The following OGFOD1 variants were observed in gnomAD, a reference collection of about 807,000 sequenced individuals.
OGFOD1 encodes prolyl 3-hydroxylase OGFOD1.
OGFOD1 carries 54 observed loss-of-function variants against 67.7 expected under a neutral mutation model. That is an observed-to-expected ratio of 0.80 (90% CI 0.64 to 1.00). OGFOD1 has a LOEUF of 1.00. Among genes scored for constraint, OGFOD1 ranks in the 50% least tolerant of loss-of-function variants. OGFOD1 has a pLI of 0.00. For missense variants in OGFOD1, 606 were observed against 646.7 expected (o/e 0.94, Z 0.68); for synonymous variants, 221 against 227.0 (o/e 0.97, Z 0.24).
rs14306 is a variant in OGFOD1 at position 56,476,387 on chromosome 16, A to C, written c.*182A>C. 270,573 of 426,540 alleles carry C rather than the reference A, an allele frequency of 0.63. 88,490 individuals carry two copies. Among genetic ancestry groups the C allele is most frequent in the African/African-American group, 0.92 (44,739 of 48,474 alleles). 26.4% of individuals were successfully genotyped at this position (426,540 alleles called of 1,614,324 possible). On this transcript the variant is annotated 3_prime_UTR_variant, in exon 13 of 13. Coordinates refer to ENST00000566157, the MANE Select transcript of OGFOD1 (RefSeq NM_018233.4). ...AACCGAGACCTTGAGCTTGCAGCTA[A>C]GTACTTATCTCTTGATTAAAAAAAA... is the stretch of plus-strand genomic sequence containing the variant.
chr16:56,460,012 C>T (rs1962660123), intron 3 of OGFOD1, among the ~76,000 whole-genome samples: 1 of 152,116 alleles, frequency 6.6e-6, no homozygotes, highest in Non-Finnish European at 1.5e-5. Flanking sequence ...TTTTTCTCTG[C>T]AGTACTTCCA....
At chr16:56,456,226 G>T (rs1219706737) in intron 2 of OGFOD1, among the ~76,000 whole-genome samples, 2 of 150,886 alleles carry the variant, frequency 1.3e-5, no homozygotes, top group Non-Finnish European at 2.9e-5. Flanking sequence ...ATGCTCTCTT[G>T]GTTTCTCTTC....
intron 5 of OGFOD1, 27 bp downstream of exon 5, chr16:56,466,295 T>TATA: frequency 2.0e-5 from 28 of 1,413,536 alleles, no homozygotes; most frequent in Non-Finnish European, 2.5e-5. Context: ...TGCATGCACT[T>TATA]CACCACCAGT....
intron 7 of OGFOD1, 24 bp downstream of exon 7, chr16:56,467,317 T>C: frequency 6.2e-7 from 1 of 1,613,224 alleles, no homozygotes; most frequent in Non-Finnish European, 8.5e-7. Flanking sequence ...CTGATATCCT[T>C]ATCTTAGGAG....
At chr16:56,454,669 A>T (rs1194683498) in intron 2 of OGFOD1, 4 of 354,494 alleles carry the variant, frequency 1.1e-5, no homozygotes, top group Non-Finnish European at 1.7e-5. Context: ...AAAAAGAAAG[A>T]TTAAAAAGAT....
chr16:56,453,108 G>A (rs936469832), intron 1 of OGFOD1, among the ~76,000 whole-genome samples, 155 bp from the exon 2 acceptor site: 6 of 152,086 alleles, frequency 3.9e-5, no homozygotes, highest in African/African-American at 1.4e-4. Context: ...AAGAAGAAAG[G>A]TCAGAGCTTA....
At chr16:56,460,333 A>G (rs1478286928) in intron 3 of OGFOD1, among the ~76,000 whole-genome samples, 1 of 152,240 alleles carries the variant, frequency 6.6e-6, no homozygotes, top group Non-Finnish European at 1.5e-5. Context: ...ACAATTAACA[A>G]ATGCTAACAA....
intron 8 of OGFOD1, 126 bp downstream of exon 8, chr16:56,468,144 T>C (rs1053433692): frequency 6.8e-5 from 42 of 614,160 alleles, no homozygotes; most frequent in Admixed American, 2.9e-4. Flanking sequence ...GTCATTCCCT[T>C]CTTCAAGTGA....
At chr16:56,474,757 G>A in intron 10 of OGFOD1, 71 bp from the exon 11 acceptor site, 2 of 1,266,598 alleles carry the variant, frequency 1.6e-6, no homozygotes, top group South Asian at 2.8e-5. Flanking sequence ...TCCTAATTAT[G>A]ATTCCCTTGC....
At chr16:56,469,039 G>A (rs527343905) in intron 8 of OGFOD1, among the ~76,000 whole-genome samples, 25 of 152,296 alleles carry the variant, frequency 1.6e-4, no homozygotes, top group Admixed American at 1.4e-3. Context: ...AGCATATTAA[G>A]GTTTTGAGAA....
chr16:56,475,671 ATC>A (rs1378574028), intron 12 of OGFOD1, 106 bp downstream of exon 12: 1 of 886,892 alleles, frequency 1.1e-6, no homozygotes, highest in African/African-American at 1.7e-5. Flanking sequence ...TAGCTAATAA[ATC>A]TCTGCCAGGC....
chr16:56,458,894 G>A, intron 3 of OGFOD1: 7 of 356,198 alleles, frequency 2.0e-5, no homozygotes, highest in South Asian at 6.1e-5. Flanking sequence ...ATGTTAGGTT[G>A]GTAAATATTA....
chr16:56,453,956 G>A (rs780460401), intron 2 of OGFOD1, among the ~76,000 whole-genome samples: 3 of 152,168 alleles, frequency 2.0e-5, no homozygotes, highest in South Asian at 2.1e-4. Context: ...AAATTAAGCC[G>A]ATGAGTAAGT....
In OGFOD1 at chr16:56,477,459, A is replaced by C. The variant is rs571334000; in HGVS notation, c.*1254A>C. 1 of 152,204 alleles carries C rather than the reference A, an allele frequency of 6.6e-6. No individual in the cohort carries two copies. Among genetic ancestry groups the C allele is most frequent in the Non-Finnish European group, 1.5e-5 (1 of 68,054 alleles). The allele number at this position is 152,204 out of a possible 1,614,324, so 9.4% of individuals were successfully genotyped here. A position where few individuals can be genotyped will look rare whatever the true frequency, so the allele number is the denominator to read the frequency against. ...GTGCCCACTGCCTTTCCATCCTGCA[A>C]TTGTGGCCTGTGTATAATTAAATGA... is the stretch of plus-strand genomic sequence containing the variant. On this transcript the variant is annotated 3_prime_UTR_variant, in exon 13 of 13. Coordinates refer to ENST00000566157, the MANE Select transcript of OGFOD1 (RefSeq NM_018233.4).
chr16:56,462,854 T>C (rs1273502169), intron 4 of OGFOD1, among the ~76,000 whole-genome samples: 1 of 152,194 alleles, frequency 6.6e-6, no homozygotes, highest in African/African-American at 2.4e-5. Context: ...CTGACCATAT[T>C]TTCAGCAAAA....
intron 4 of OGFOD1, chr16:56,465,705 A>G (rs1015635704): frequency 6.5e-6 from 1 of 153,784 alleles, no homozygotes; most frequent in African/African-American, 2.4e-5. Context: ...TAGAAAATCT[A>G]TTAAGGGTGG....
At chr16:56,472,934 G>GGTTTA (rs1418449672) in intron 10 of OGFOD1, among the ~76,000 whole-genome samples, 2 of 151,906 alleles carry the variant, frequency 1.3e-5, no homozygotes, top group Non-Finnish European at 2.9e-5. Flanking sequence ...GTTTTGGTTT[G>GGTTTA]GTTTGGTTTG....
At position 56,478,729 on chromosome 16, in the gene OGFOD1, T is replaced by A. The variant is rs1398294637; in HGVS notation, c.*2524T>A. Reference sequence around the variant, plus strand: ...AAGTGTTAAAATGTGCTTTTTAGTGTCTCCTTTATCTCAGTGTGTTTATGA... The same window carrying A: ...AAGTGTTAAAATGTGCTTTTTAGTGACTCCTTTATCTCAGTGTGTTTATGA... On this transcript the variant is annotated 3_prime_UTR_variant, in exon 13 of 13. Transcript: ENST00000566157. 1 of 152,190 alleles carries A rather than the reference T, an allele frequency of 6.6e-6. No individual in the cohort carries two copies. The highest frequency in any genetic ancestry group is 1.5e-5 in the Non-Finnish European group (1 of 68,028). The allele number at this position is 152,190 out of a possible 1,614,324, so 9.4% of individuals were successfully genotyped here.
Position 56,470,018 on chromosome 16 carries a change from A to G in OGFOD1, c.916A>G (p.Lys306Glu), listed in dbSNP as rs760431000. ...KEFLKPEKFT[K>E]VCEALEHGHV... ...CATTTTCTAGCCTGAGAAATTCACG[A>G]AAGTCTGTGAGGCCTTGGAGCATGG... is the stretch of plus-strand genomic sequence containing the variant. Residue 306 changes from lysine (K) to glutamate (E), a missense_variant, in exon 9 of 13, where the codon AAA becomes GAA. Transcript: ENST00000566157. 1.4e-5 allele frequency: 23 copies of G among 1,613,970 alleles called. No homozygotes were observed. Among genetic ancestry groups the G allele is most frequent in the Admixed American group, 3.3e-5 (2 of 59,980 alleles).
Sources: gnomAD v4.1 joint callset for allele counts (sites outside exome capture counted in the v4.1 genomes callset) on GRCh38, gnomAD v4.1.1 for gene constraint, MANE v1.5 for transcripts, NCBI Gene and HGNC (gene_info 2026-07-23, HGNC 2026-07-21) for gene names.